Variants in DOLPP1 observed in about 807,000 individuals in gnomAD.
The protein encoded by DOLPP1 is dolichyldiphosphatase 1, also known as dolichyl pyrophosphate phosphatase 1.
DOLPP1 carries 15 observed loss-of-function variants against 34.1 expected under a neutral mutation model. The ratio of observed to expected loss-of-function variants is 0.44; its 90% CI spans 0.29 to 0.68. The LOEUF is 0.68. DOLPP1 is among the 30% of genes least tolerant of loss of function. DOLPP1 has a pLI of 0.12. For missense variants in DOLPP1, 249 were observed against 307.1 expected (o/e 0.81, Z 1.41); for synonymous variants, 130 against 128.2 (o/e 1.01, Z -0.10).
Position 129,084,762 on chromosome 9 carries a change from G to T in DOLPP1, c.171G>T (p.Leu57=). Residue 57 remains leucine (L), a synonymous_variant, in exon 2 of 8, where the codon CTG becomes CTT. Coordinates refer to ENST00000372546, the MANE Select transcript of DOLPP1 (RefSeq NM_020438.5). The stretch of plus-strand genomic sequence containing the variant: ...CCCTCATCATATTTAAGCGGGAGCT[G>T]CACACGGTGAGTCTGTCTTGCCCAC... ...FVTLIIFKRE[L]HTISFLGGLA... 6.2e-7 allele frequency: 1 copy of T among 1,609,646 alleles called. No homozygotes were observed. The highest frequency in any genetic ancestry group is 1.1e-5 in the South Asian group (1 of 90,992).
In DOLPP1 at chr9:129,081,335, C is replaced by G. The variant is rs1460923389; in HGVS notation, c.76+128C>G. On this transcript the variant is annotated intron_variant, in intron 1 of 7. Coordinates refer to ENST00000372546, the MANE Select transcript of DOLPP1 (RefSeq NM_020438.5). ...GGGTGGGAACTGTCAAATAGTGAAC[C>G]ACGGAGGGGCTCGGCCGGCGCGCGC... 6.8e-6 allele frequency: 8 copies of G among 1,184,568 alleles called. No homozygotes were observed. The Admixed American group carries it at 1.3e-4, about 19-fold the overall frequency. The allele number at this position is 1,184,568 out of a possible 1,614,324, so 73.4% of individuals were successfully genotyped here.
rs12342022 is a variant in DOLPP1 at position 129,088,955 on chromosome 9, C to T, written c.681-16C>T. 1,243 of 1,613,558 alleles carry T rather than the reference C, an allele frequency of 7.7e-4. 7 individuals carry two copies. The African/African-American group carries it at 0.015, about 19-fold the overall frequency. On this transcript the variant is annotated splice_polypyrimidine_tract_variant and intron_variant, in intron 7 of 7. Coordinates refer to ENST00000372546, the MANE Select transcript of DOLPP1 (RefSeq NM_020438.5). ...CACCAGATGTCTCCACATCTGACCC[C>T]CATCCTGTTTTGCAGGAACAGACAA...
At position 129,085,044 on chromosome 9, in the gene DOLPP1, G is replaced by A; in HGVS notation, c.199G>A (p.Ala67Thr). 1 of 1,579,452 alleles carries A rather than the reference G, an allele frequency of 6.3e-7. No homozygotes were observed. The highest frequency in any genetic ancestry group is 8.6e-7 in the Non-Finnish European group (1 of 1,163,048). Residue 67 changes from alanine (A) to threonine (T), a missense_variant, in exon 3 of 8, where the codon GCA (alanine) becomes ACA (threonine). Physicochemically the swap from Ala to Thr is moderately conservative, Grantham distance 58. Transcript: ENST00000372546. The surrounding 1 kb of genome is among the most constrained non-coding windows in gnomAD (Gnocchi z 7.0). Reference protein sequence around the residue: ...LHTISFLGGLALNEGVNWLIK... With the variant: ...LHTISFLGGLTLNEGVNWLIK... ...GCAGATCTCCTTCCTTGGGGGCCTGGCACTGAACGAGGGGGTCAACTGGCT... is the reference window on the plus strand; with the variant it reads ...GCAGATCTCCTTCCTTGGGGGCCTGACACTGAACGAGGGGGTCAACTGGCT...
chr9:129,086,624 G>T, intron 6 of DOLPP1, 85 bp from the exon 7 acceptor site: 1 of 1,411,360 alleles, frequency 7.1e-7, no homozygotes, highest in Non-Finnish European at 1.0e-6. Context: ...TGCCGTGCCA[G>T]CCCCGGGCAA....
chr9:129,088,825 TGCTCTGATTGGCCCA>T (rs1847042450), intron 7 of DOLPP1, 131 bp from the exon 8 acceptor site: 5 of 715,414 alleles, frequency 7.0e-6, no homozygotes, highest in Non-Finnish European at 1.2e-5. Flanking sequence ...CCAGGGCAGG[TGCTCTGATTGGCCCA>T]GTTCAGGTCA....
intron 6 of DOLPP1, 77 bp from the exon 7 acceptor site, chr9:129,086,632 C>T: frequency 6.9e-7 from 1 of 1,454,070 alleles, no homozygotes; most frequent in Non-Finnish European, 9.6e-7. Flanking sequence ...CAGCCCCGGG[C>T]AATGGTGGGG....
Position 129,085,677 on chromosome 9 carries a change from G to A in DOLPP1, c.461+61G>A. ...CCATGTGGGGTCCTGCTGGTTCCTG[G>A]TCCCTGTCGGACCCCACCATGGACC... On this transcript the variant is annotated intron_variant, in intron 5 of 7. Coordinates refer to ENST00000372546, the MANE Select transcript of DOLPP1 (RefSeq NM_020438.5). This position sits in a 1 kb window ranked among gnomAD's most constrained non-coding sequence, Gnocchi z 7.0. 1.4e-6 allele frequency: 2 copies of A among 1,388,888 alleles called. No homozygotes were observed. The highest frequency in any genetic ancestry group is 2.5e-5 in the South Asian group (2 of 79,376). 86.0% of individuals were successfully genotyped at this position (1,388,888 alleles called of 1,614,324 possible). A position where few individuals can be genotyped will look rare whatever the true frequency, so the allele number is the denominator to read the frequency against.
In DOLPP1 at chr9:129,085,698, G is replaced by A; in HGVS notation, c.461+82G>A. 8.8e-7 allele frequency: 1 copy of A among 1,133,874 alleles called. No individual in the cohort carries two copies. Among genetic ancestry groups the A allele is most frequent in the Non-Finnish European group, 1.3e-6 (1 of 789,386 alleles). 70.2% of individuals were successfully genotyped at this position (1,133,874 alleles called of 1,614,324 possible). ...CCTGGTCCCTGTCGGACCCCACCAT[G>A]GACCCTAGTCCCAGAACCTGTAGTG... On this transcript the variant is annotated intron_variant, in intron 5 of 7. Transcript: ENST00000372546. The surrounding 1 kb of genome is among the most constrained non-coding windows in gnomAD (Gnocchi z 7.0).
intron 7 of DOLPP1, among the ~76,000 whole-genome samples, chr9:129,087,702 G>A (rs1279952899): frequency 2.0e-5 from 3 of 152,124 alleles, no homozygotes; most frequent in Admixed American, 6.5e-5. Flanking sequence ...GAGGGACTGT[G>A]GGGCGGGGTA....
At chr9:129,081,959 A>G (rs1846897339) in intron 1 of DOLPP1, among the ~76,000 whole-genome samples, 1 of 152,168 alleles carries the variant, frequency 6.6e-6, no homozygotes, top group South Asian at 2.1e-4. Flanking sequence ...AAGTTAATTC[A>G]TCTCTAAAGT....
intron 7 of DOLPP1, among the ~76,000 whole-genome samples, chr9:129,088,070 T>C (rs1847026207): frequency 6.7e-6 from 1 of 149,054 alleles, no homozygotes; most frequent in Admixed American, 6.7e-5. Context: ...CACCTGCCTA[T>C]GTGATCAGTG....
chr9:129,088,449 T>C (rs766517481), intron 7 of DOLPP1, among the ~76,000 whole-genome samples: 1 of 152,112 alleles, frequency 6.6e-6, no homozygotes, highest in Non-Finnish European at 1.5e-5. Flanking sequence ...TGATTGGCCC[T>C]GGTTCCCTCA....
chr9:129,081,762 G>A (rs1009050208), intron 1 of DOLPP1, among the ~76,000 whole-genome samples: 12 of 152,216 alleles, frequency 7.9e-5, no homozygotes, highest in Admixed American at 2.0e-4. Flanking sequence ...GGCAGCCTCC[G>A]GGAACTTGAC....
At chr9:129,082,658 C>G (rs115810358) in intron 1 of DOLPP1, among the ~76,000 whole-genome samples, 11 of 152,330 alleles carry the variant, frequency 7.2e-5, no homozygotes, top group African/African-American at 2.6e-4. Context: ...CTGGCTGAGC[C>G]TGGAGCATCT....
At chr9:129,081,465 C>A (rs889565467) in intron 1 of DOLPP1, among the ~76,000 whole-genome samples, 2 of 152,118 alleles carry the variant, frequency 1.3e-5, no homozygotes, top group African/African-American at 4.8e-5. Context: ...GGTCCCGGGG[C>A]GCCGGTGGGC....
Position 129,081,211 on chromosome 9 carries a change from A to G in DOLPP1, c.76+4A>G, listed in dbSNP as rs1044525487. The stretch of plus-strand genomic sequence containing the variant: ...ACCCACGTCGAATATCCTGCAGGTA[A>G]AAGGCGGTCCCGGCTCCAAGGACGC... On this transcript the variant is annotated splice_donor_region_variant and intron_variant, in intron 1 of 7. Coordinates refer to ENST00000372546, the MANE Select transcript of DOLPP1 (RefSeq NM_020438.5). The G allele has an allele frequency of 1.9e-6, 3 of 1,608,680 alleles. No homozygotes were observed. Among genetic ancestry groups the G allele is most frequent in the South Asian group, 1.1e-5 (1 of 90,986 alleles).
In DOLPP1 at chr9:129,089,104, C is replaced by A; in HGVS notation, c.*97C>A. On this transcript the variant is annotated 3_prime_UTR_variant, in exon 8 of 8. Coordinates refer to ENST00000372546, the MANE Select transcript of DOLPP1 (RefSeq NM_020438.5). The surrounding 1 kb of genome is among the most constrained non-coding windows in gnomAD (Gnocchi z 4.9). ...GACAGGGACGAAGCAGAGACCTCTA[C>A]AGACCCAAGTCACCAAGTGGAGCCT... The A allele has an allele frequency of 7.8e-7, 1 of 1,277,122 alleles. No homozygotes were observed. The highest frequency in any genetic ancestry group is 1.1e-6 in the Non-Finnish European group (1 of 888,750). The allele number at this position is 1,277,122 out of a possible 1,614,324, so 79.1% of individuals were successfully genotyped here. A position where few individuals can be genotyped will look rare whatever the true frequency, so the allele number is the denominator to read the frequency against.
At chr9:129,081,335 C>T in intron 1 of DOLPP1, 128 bp downstream of exon 1, 1 of 1,184,686 alleles carries the variant, frequency 8.4e-7, no homozygotes, top group African/African-American at 1.6e-5. Context: ...AATAGTGAAC[C>T]ACGGAGGGGC....
intron 7 of DOLPP1, among the ~76,000 whole-genome samples, chr9:129,088,563 C>T (rs918378270): frequency 1.7e-4 from 26 of 152,158 alleles, no homozygotes; most frequent in Non-Finnish European, 1.5e-4. Flanking sequence ...GCATACCTCC[C>T]GGATGGGGAG....
Sources: allele counts gnomAD v4.1 joint callset (sites outside exome capture counted in the v4.1 genomes callset), GRCh38; gene constraint gnomAD v4.1.1; non-coding constraint Gnocchi (gnomAD v3.1); transcripts MANE v1.5; gene names NCBI Gene and HGNC (gene_info 2026-07-23, HGNC 2026-07-21).